The following DPP10 variants were observed in gnomAD, a reference collection of about 807,000 sequenced individuals.
DPP10 encodes the protein inactive dipeptidyl peptidase 10.
In DPP10, 33 loss-of-function variants were observed where a neutral mutation model predicts 120.9. That is an observed-to-expected ratio of 0.27 (90% confidence interval 0.21 to 0.37). The LOEUF is 0.37. Among genes scored for constraint, DPP10 ranks in the 10% least tolerant of loss-of-function variants. DPP10 has a pLI of 1.00. For missense variants in DPP10, 816 were observed against 942.8 expected, an observed-to-expected ratio of 0.87 and a Z score of 1.76; for synonymous variants, 337 against 326.1, an observed-to-expected ratio of 1.03 and a Z score of -0.36.
At chr2:114,831,310 G>A (rs372217594) in intron 1 of DPP10, among the ~76,000 whole-genome samples, 2 of 151,970 alleles carry the variant, frequency 1.3e-5, no homozygotes, top group East Asian at 3.9e-4. Context: ...AGGGATATTT[G>A]TAATATATTT....
intron 1 of DPP10, among the ~76,000 whole-genome samples, chr2:115,274,042 A>G (rs2059809767): frequency 1.3e-5 from 2 of 152,020 alleles, no homozygotes; most frequent in Non-Finnish European, 2.9e-5. Flanking sequence ...TGGAATGAGC[A>G]GGTTACTCCT....
chr2:114,619,238 A>G (rs1387250528), intron 1 of DPP10, among the ~76,000 whole-genome samples: 2 of 152,084 alleles, frequency 1.3e-5, no homozygotes, highest in Non-Finnish European at 2.9e-5. Flanking sequence ...TTAAGGAAAA[A>G]AAGAAGTAAA....
At chr2:115,113,896 A>C (rs573726358) in intron 1 of DPP10, among the ~76,000 whole-genome samples, 166 of 152,322 alleles carry the variant, frequency 1.1e-3, no homozygotes, top group Non-Finnish European at 2.0e-3. Context: ...GATCATACAC[A>C]TTGAGTCATT....
intron 1 of DPP10, among the ~76,000 whole-genome samples, chr2:114,971,319 CTCTTG>C (rs1699379948): frequency 6.6e-6 from 1 of 152,064 alleles, no homozygotes; most frequent in South Asian, 2.1e-4. Context: ...ATCGATTTAC[CTCTTG>C]TCTTGGCAAA....
At chr2:114,889,134 G>T (rs984926224) in intron 1 of DPP10, among the ~76,000 whole-genome samples, 3 of 152,136 alleles carry the variant, frequency 2.0e-5, no homozygotes, top group Non-Finnish European at 2.9e-5. Context: ...CTGCAGAAGA[G>T]CTACATCCCT....
chr2:115,412,114 T>TA (rs1435958302), intron 3 of DPP10, among the ~76,000 whole-genome samples: 21 of 151,368 alleles, frequency 1.4e-4, no homozygotes, highest in Admixed American at 2.0e-4. Context: ...TCCTCCAAAA[T>TA]AAAAAAACTT....
chr2:115,256,040 A>G (rs1237255194), intron 1 of DPP10, among the ~76,000 whole-genome samples: 1 of 152,076 alleles, frequency 6.6e-6, no homozygotes, highest in South Asian at 2.1e-4. Flanking sequence ...CCAATTTACT[A>G]TAGTAGTTTG....
chr2:114,502,591 T>A (rs1170499044), intron 1 of DPP10, among the ~76,000 whole-genome samples: 2 of 152,230 alleles, frequency 1.3e-5, no homozygotes, highest in African/African-American at 2.4e-5. Flanking sequence ...AAGTAACCTA[T>A]GTTTTGAGCT....
At chr2:114,798,255 A>C (rs1026378160) in intron 1 of DPP10, among the ~76,000 whole-genome samples, 1 of 152,092 alleles carries the variant, frequency 6.6e-6, no homozygotes, top group Non-Finnish European at 1.5e-5. Flanking sequence ...GAACACCTGA[A>C]GTTTAAAGTA....
chr2:114,819,813 G>A (rs1432788969), intron 1 of DPP10, among the ~76,000 whole-genome samples: 2 of 152,162 alleles, frequency 1.3e-5, no homozygotes, highest in East Asian at 1.9e-4. Flanking sequence ...GCACAGTGTG[G>A]CATCCAAATT....
intron 1 of DPP10, among the ~76,000 whole-genome samples, chr2:115,049,844 T>C (rs1216326419): frequency 6.6e-6 from 1 of 152,156 alleles, no homozygotes; most frequent in South Asian, 2.1e-4. Context: ...TTTGAACATA[T>C]GTAAGTTACC....
chr2:115,204,455 C>T (rs1052565602), intron 1 of DPP10, among the ~76,000 whole-genome samples: 2 of 151,952 alleles, frequency 1.3e-5, no homozygotes, highest in South Asian at 4.2e-4. Context: ...GTGATGAATT[C>T]GTTGATAGTA....
At chr2:114,605,705 G>T (rs530054688) in intron 1 of DPP10, among the ~76,000 whole-genome samples, 43 of 152,168 alleles carry the variant, frequency 2.8e-4, no homozygotes, top group African/African-American at 9.9e-4. Context: ...GACCTGACAA[G>T]TCCTGTCTAG....
intron 13 of DPP10, 105 bp downstream of exon 13, chr2:115,768,509 G>A (rs144425769): frequency 2.1e-4 from 188 of 906,726 alleles, no homozygotes; most frequent in Non-Finnish European, 2.9e-4. Context: ...GTGAAACCCA[G>A]CCATATATAC....
chr2:115,679,235 C>T (rs1193536177), intron 5 of DPP10, among the ~76,000 whole-genome samples: 1 of 151,812 alleles, frequency 6.6e-6, no homozygotes, highest in Non-Finnish European at 1.5e-5. Flanking sequence ...TTGGCTGTGT[C>T]CCCCACCCAA....
intron 1 of DPP10, among the ~76,000 whole-genome samples, chr2:114,750,958 T>C (rs1258560900): frequency 6.6e-6 from 1 of 152,194 alleles, no homozygotes; most frequent in Admixed American, 6.5e-5. Context: ...AAAACTATGA[T>C]CTGGAAGTTG....
intron 3 of DPP10, among the ~76,000 whole-genome samples, chr2:115,489,553 G>A (rs534172344): frequency 1.3e-4 from 19 of 150,028 alleles, no homozygotes; most frequent in African/African-American, 4.4e-4. Context: ...CAAATAAAAG[G>A]CCATGCAAGG....
At chr2:115,712,312 C>T (rs568492465) in intron 7 of DPP10, among the ~76,000 whole-genome samples, 1 of 150,074 alleles carries the variant, frequency 6.7e-6, no homozygotes, top group African/African-American at 2.4e-5. Context: ...CTCATGCCAC[C>T]ACTGATCTGA....
chr2:114,822,026 A>T (rs1686131479), intron 1 of DPP10, among the ~76,000 whole-genome samples: 1 of 152,160 alleles, frequency 6.6e-6, no homozygotes, highest in African/African-American at 2.4e-5. Context: ...CTCTTCTCAC[A>T]GCTCTACTAG....
Sources: allele counts gnomAD v4.1 joint callset (sites outside exome capture counted in the v4.1 genomes callset), GRCh38; gene constraint gnomAD v4.1.1; transcripts MANE v1.5; gene names NCBI Gene and HGNC (gene_info 2026-07-23, HGNC 2026-07-21).